The following NTRK2 variants were observed in gnomAD, a reference collection of about 807,000 sequenced individuals.
NTRK2 encodes the protein neurotrophic receptor tyrosine kinase 2, also known as BDNF/NT-3 growth factors receptor.
A neutral mutation model predicts 94.5 loss-of-function variants in NTRK2; 13 were observed. The ratio of observed to expected loss-of-function variants is 0.14; its 90% confidence interval spans 0.09 to 0.22. NTRK2 has a LOEUF of 0.22. NTRK2 is among the 10% of genes least tolerant of loss of function. NTRK2 has a pLI of 1.00. For synonymous variants in NTRK2, 372 were observed against 407.4 expected, an observed-to-expected ratio of 0.91 and a Z score of 1.05; for missense variants, 639 against 1,071.2, an observed-to-expected ratio of 0.60 and a Z score of 5.63.
intron 17 of NTRK2, among the ~76,000 whole-genome samples, chr9:85,002,488 CA>C (rs1830442256): frequency 6.6e-6 from 1 of 152,130 alleles, no homozygotes; most frequent in African/African-American, 2.4e-5. Context: ...TTTTTCACTC[CA>C]GGGGTAACCA....
At position 84,710,718 on chromosome 9, in the gene NTRK2, C is replaced by T; in HGVS notation, c.510C>T (p.Asp170=). The part of the protein sequence containing the change: ...KTLQEAKSSP[D]TQDLYCLNES... ...TCCAAGAGGCTAAATCCAGTCCAGA[C>T]ACTCAGGATTTGTACTGCCTGAATG... Residue 170 remains aspartate (D), a synonymous_variant, in exon 6 of 19, where the codon GAC becomes GAT. Transcript: ENST00000277120. The T allele has an allele frequency of 6.2e-7, 1 of 1,614,040 alleles. No individual in the cohort carries two copies. Among genetic ancestry groups the T allele is most frequent in the Non-Finnish European group, 8.5e-7 (1 of 1,179,884 alleles).
At chr9:84,873,227 A>G (rs922515324) in intron 14 of NTRK2, 2 of 1,061,360 alleles carry the variant, frequency 1.9e-6, no homozygotes, top group African/African-American at 3.3e-5. Context: ...GTCTTTCAAA[A>G]ATATATTTTC....
intron 6 of NTRK2, among the ~76,000 whole-genome samples, chr9:84,721,788 T>C (rs2062084082): frequency 6.6e-6 from 1 of 152,226 alleles, no homozygotes; most frequent in Non-Finnish European, 1.5e-5. Flanking sequence ...CTACTGTTTT[T>C]CACACATAGT....
intron 14 of NTRK2, chr9:84,873,267 C>T: frequency 9.4e-7 from 1 of 1,059,874 alleles, no homozygotes; most frequent in Non-Finnish European, 1.1e-6. Context: ...CAAATAATGG[C>T]TGCTTTGGGA....
intron 17 of NTRK2, among the ~76,000 whole-genome samples, chr9:84,980,863 C>T (rs546825517): frequency 2.6e-5 from 4 of 152,266 alleles, no homozygotes; most frequent in South Asian, 2.1e-4. Flanking sequence ...ACTGGGGAAA[C>T]GAAAGTCAGG....
chr9:84,774,690 A>G (rs1057126929), intron 12 of NTRK2, among the ~76,000 whole-genome samples: 1 of 152,248 alleles, frequency 6.6e-6, no homozygotes, highest in Non-Finnish European at 1.5e-5. Flanking sequence ...GGAGAAACAC[A>G]TTCTGCGTCA....
At chr9:84,819,929 T>C (rs2072680559) in intron 12 of NTRK2, among the ~76,000 whole-genome samples, 1 of 152,184 alleles carries the variant, frequency 6.6e-6, no homozygotes, top group Non-Finnish European at 1.5e-5. Context: ...TGGGGTGAGT[T>C]ATTTTTCCTT....
intron 17 of NTRK2, among the ~76,000 whole-genome samples, chr9:84,963,232 G>T (rs1440038403): frequency 6.6e-6 from 1 of 152,174 alleles, no homozygotes; most frequent in Non-Finnish European, 1.5e-5. Flanking sequence ...TACCTCATTG[G>T]CCAGAGGTGG....
At chr9:84,797,686 TA>T (rs1178863825) in intron 12 of NTRK2, among the ~76,000 whole-genome samples, 4 of 81,730 alleles carry the variant, frequency 4.9e-5, no homozygotes, top group East Asian at 6.3e-4. Flanking sequence ...ATATATACTA[TA>T]ATATATATAT....
intron 12 of NTRK2, among the ~76,000 whole-genome samples, chr9:84,792,809 A>G (rs1233361007): frequency 1.7e-5 from 2 of 114,742 alleles, no homozygotes; most frequent in African/African-American, 5.2e-5. Flanking sequence ...ACAAATTAGT[A>G]AAATGAAGAC....
chr9:84,698,304 A>G (rs1364469016), intron 2 of NTRK2, among the ~76,000 whole-genome samples: 2 of 152,092 alleles, frequency 1.3e-5, no homozygotes, highest in East Asian at 3.9e-4. Flanking sequence ...TGTACGTATC[A>G]GTATACAATT....
chr9:84,992,380 C>T (rs893200995), intron 17 of NTRK2, among the ~76,000 whole-genome samples: 1 of 151,960 alleles, frequency 6.6e-6, no homozygotes, highest in Non-Finnish European at 1.5e-5. Flanking sequence ...CCTGCCACTG[C>T]CAGAGGTTGG....
At chr9:84,747,009 C>A (rs755726249) in intron 11 of NTRK2, among the ~76,000 whole-genome samples, 3 of 152,128 alleles carry the variant, frequency 2.0e-5, no homozygotes, top group Non-Finnish European at 4.4e-5. Context: ...GTACATTTTG[C>A]AGACTGGCTA....
intron 12 of NTRK2, among the ~76,000 whole-genome samples, chr9:84,798,912 C>CTATATATATATATATATATATATATATA (rs57167822): frequency 5.5e-5 from 7 of 128,046 alleles, no homozygotes; most frequent in Non-Finnish European, 8.2e-5. Flanking sequence ...CTTCTAAGTG[C>CTATATATATATATATATATATATATATA]TATATATATA....
At chr9:84,672,719 G>A (rs1005518347) in intron 2 of NTRK2, among the ~76,000 whole-genome samples, 1 of 152,062 alleles carries the variant, frequency 6.6e-6, no homozygotes, top group Non-Finnish European at 1.5e-5. Context: ...CATGATCTGA[G>A]AAAAAGGAAA....
rs1351774918 is a variant in NTRK2, at chr9:84,924,452, G to A, written c.1634-9710G>A. Among the ~76,000 whole-genome samples the A allele has an allele frequency of 2.6e-5, 4 of 152,088 alleles. No homozygotes were observed. The South Asian group carries it at 8.3e-4, about 32-fold the overall frequency. On this transcript the variant is annotated intron_variant, in intron 14 of 18. Transcript: ENST00000277120. ...ACCTGCCAGGATTTTGTACAATCAC[G>A]CTGCATAATGATTCTTGAAAATACA...
intron 12 of NTRK2, among the ~76,000 whole-genome samples, chr9:84,841,735 T>C (rs921359986): frequency 2.0e-5 from 3 of 152,222 alleles, no homozygotes; most frequent in African/African-American, 4.8e-5. Flanking sequence ...CACTCTCAGA[T>C]GTGCTGCAGA....
chr9:84,681,608 A>G (rs976242712), intron 2 of NTRK2, among the ~76,000 whole-genome samples: 4 of 152,098 alleles, frequency 2.6e-5, no homozygotes, highest in African/African-American at 9.7e-5. Context: ...TAACATAAAA[A>G]CAATATAATT....
chr9:84,731,370 AG>A (rs1321149230), intron 9 of NTRK2, among the ~76,000 whole-genome samples: 1 of 152,128 alleles, frequency 6.6e-6, no homozygotes, highest in Non-Finnish European at 1.5e-5. Flanking sequence ...TGGGAGGCGG[AG>A]GTTGCAGTGA....
Sources: allele counts gnomAD v4.1 joint callset (sites outside exome capture counted in the v4.1 genomes callset), GRCh38; gene constraint gnomAD v4.1.1; transcripts MANE v1.5; gene names NCBI Gene and HGNC (gene_info 2026-07-23, HGNC 2026-07-21).